The following SH3GL3 variants were observed in gnomAD, a reference collection of about 807,000 sequenced individuals.
SH3GL3 encodes SH3 domain containing GRB2 like 3, endophilin A3.
Under a neutral mutation model 47.7 loss-of-function variants are expected in SH3GL3, and 33 were observed. The observed-to-expected ratio is 0.69, with a 90% CI of 0.52 to 0.92. The LOEUF is 0.92. SH3GL3 is among the 40% of genes least tolerant of loss of function. SH3GL3 has a pLI of 0.00. For synonymous variants in SH3GL3, 155 were observed against 148.8 expected (o/e 1.04, Z -0.30); for missense variants, 363 against 417.8 (o/e 0.87, Z 1.14).
intron 1 of SH3GL3, among the ~76,000 whole-genome samples, chr15:83,475,372 G>C (rs1407255377): frequency 6.6e-6 from 1 of 151,940 alleles, no homozygotes; most frequent in South Asian, 2.1e-4. Flanking sequence ...CCAGCTACTC[G>C]GGAGGCCGAG....
In SH3GL3 at chr15:83,448,983, G is replaced by T. The variant is rs888195746; in HGVS notation, c.45+1405G>T. 2.0e-5 allele frequency among the ~76,000 whole-genome samples: 3 copies of T among 152,172 alleles called. No individual in the cohort carries two copies. The highest frequency in any genetic ancestry group is 4.4e-5 in the Non-Finnish European group (3 of 68,036). On this transcript the variant is annotated intron_variant, in intron 1 of 8. Transcript: ENST00000427482. The surrounding 1 kb of genome is among the most constrained non-coding windows in gnomAD (Gnocchi z 4.2). ...TCACATGTCACTGGCCTGGGTTGGG[G>T]TGCATATCCTGACCTGCAGCTCAGG...
At chr15:83,622,262 C>T (rs185455603), downstream of SH3GL3, among the ~76,000 whole-genome samples, 31 of 152,300 alleles carry the variant, frequency 2.0e-4, no homozygotes, top group Non-Finnish European at 3.5e-4. Flanking sequence ...TCCAGTCTCC[C>T]TCCCATGCCC....
At chr15:83,531,064 A>G (rs1051068478) in intron 1 of SH3GL3, among the ~76,000 whole-genome samples, 2 of 152,226 alleles carry the variant, frequency 1.3e-5, no homozygotes, top group African/African-American at 4.8e-5. Context: ...TAGAAATTCA[A>G]ACAGAATCCT....
chr15:83,525,755 G>A (rs1419350218), intron 1 of SH3GL3, among the ~76,000 whole-genome samples: 3 of 152,038 alleles, frequency 2.0e-5, no homozygotes, highest in Non-Finnish European at 2.9e-5. Context: ...CGAGTTTTCC[G>A]AGCATCATTT....
At chr15:83,613,620 A>AATCAATCT (rs1555423739) in intron 8 of SH3GL3, among the ~76,000 whole-genome samples, 7 of 146,808 alleles carry the variant, frequency 4.8e-5, no homozygotes, top group African/African-American at 1.8e-4. Context: ...GAAATATATA[A>AATCAATCT]ATCTATCTAT....
chr15:83,515,526 G>C (rs117851752), intron 1 of SH3GL3, among the ~76,000 whole-genome samples: 7 of 149,570 alleles, frequency 4.7e-5, no homozygotes, highest in South Asian at 2.1e-4. Context: ...CCATGCAGGT[G>C]GGGGGGGAGG....
Position 83,585,912 on chromosome 15 carries a change from A to C in SH3GL3, c.625-1071A>C, listed in dbSNP as rs561708368. ...ACTAAAGAATGATTTGCAACTACAAATGAAAGTAGCTTGGATCTTTGAAGG... is the reference window on the plus strand; with the variant it reads ...ACTAAAGAATGATTTGCAACTACAACTGAAAGTAGCTTGGATCTTTGAAGG... On this transcript the variant is annotated intron_variant, in intron 6 of 8. Transcript: ENST00000427482. Among the ~76,000 whole-genome samples the C allele has an allele frequency of 9.2e-5, 14 of 152,360 alleles. No individual in the cohort carries two copies. In the South Asian group the frequency reaches 2.3e-3, roughly 25 times the overall value.
intron 1 of SH3GL3, among the ~76,000 whole-genome samples, chr15:83,539,945 G>A (rs1433102103): frequency 2.6e-5 from 4 of 152,146 alleles, no homozygotes; most frequent in African/African-American, 9.7e-5. Flanking sequence ...TGAAATCAGA[G>A]AATTTGAGAA....
intron 6 of SH3GL3, among the ~76,000 whole-genome samples, chr15:83,578,104 G>C (rs1400679637): frequency 1.3e-5 from 2 of 152,198 alleles, no homozygotes; most frequent in Non-Finnish European, 2.9e-5. Context: ...TGTGGTTCCT[G>C]CCATTTGCTT....
intron 8 of SH3GL3, among the ~76,000 whole-genome samples, chr15:83,601,825 C>G (rs546806074): frequency 5.4e-4 from 79 of 147,514 alleles, no homozygotes; most frequent in Non-Finnish European, 1.0e-3. Context: ...CCATGTGGTC[C>G]TGGACTTTTT....
At chr15:83,626,115 A>G in the SH3GL3 span, among the ~76,000 whole-genome samples, 14 of 152,178 alleles carry the variant, frequency 9.2e-5, no homozygotes, top group African/African-American at 3.1e-4. Flanking sequence ...TACAGGCATG[A>G]GCTATCGCAC....
Position 83,578,016 on chromosome 15 carries a change from C to T in SH3GL3, c.624+1275C>T, listed in dbSNP as rs116289224. On this transcript the variant is annotated intron_variant, in intron 6 of 8. Coordinates refer to ENST00000427482, the MANE Select transcript of SH3GL3 (RefSeq NM_003027.5). ...GCATGACCCAAATTTTTCAGCTGTTCCATAGTGGTGCTTGTGGGCTCGGGA... is the reference window on the plus strand; with the variant it reads ...GCATGACCCAAATTTTTCAGCTGTTTCATAGTGGTGCTTGTGGGCTCGGGA... Among the ~76,000 whole-genome samples, 414 of 152,278 alleles carry T rather than the reference C, an allele frequency of 2.7e-3. 2 individuals are homozygous for T. The highest frequency in any genetic ancestry group is 9.7e-3 in the African/African-American group (404 of 41,562).
chr15:83,476,873 T>C (rs1383134256), intron 1 of SH3GL3, among the ~76,000 whole-genome samples: 1 of 152,242 alleles, frequency 6.6e-6, no homozygotes, highest in Non-Finnish European at 1.5e-5. Context: ...TATGCATGTT[T>C]CTGAAGCCCT....
chr15:83,551,100 T>C (rs1227781594), intron 1 of SH3GL3, among the ~76,000 whole-genome samples: 1 of 152,176 alleles, frequency 6.6e-6, no homozygotes, highest in Non-Finnish European at 1.5e-5. Flanking sequence ...AAACACCAAA[T>C]GCAAAAGCTT....
At chr15:83,554,488 G>T (rs2044839821) in intron 1 of SH3GL3, among the ~76,000 whole-genome samples, 2 of 152,038 alleles carry the variant, frequency 1.3e-5, no homozygotes, top group African/African-American at 4.8e-5. Context: ...ACCCAGCCTT[G>T]CTCTTAAACA....
intron 1 of SH3GL3, among the ~76,000 whole-genome samples, chr15:83,482,722 C>T (rs146161704): frequency 2.4e-4 from 36 of 152,120 alleles, no homozygotes; most frequent in Middle Eastern, 3.4e-3. Context: ...GAACTCCTAA[C>T]CTCAGGTGAT....
At chr15:83,586,473 A>C (rs1416636190) in intron 6 of SH3GL3, among the ~76,000 whole-genome samples, 1 of 152,200 alleles carries the variant, frequency 6.6e-6, no homozygotes, top group Non-Finnish European at 1.5e-5. Flanking sequence ...GGACAGGGAA[A>C]TCTTTGCCCC....
At chr15:83,621,851 CTT>C (rs1429774852), downstream of SH3GL3, among the ~76,000 whole-genome samples, 1 of 152,188 alleles carries the variant, frequency 6.6e-6, no homozygotes, top group African/African-American at 2.4e-5. Flanking sequence ...TGATCACTGA[CTT>C]TTGTAACAAA....
chr15:83,629,413 A>G, the SH3GL3 span, among the ~76,000 whole-genome samples: 3 of 152,266 alleles, frequency 2.0e-5, no homozygotes, highest in African/African-American at 4.8e-5. Flanking sequence ...AGCATGGTCA[A>G]TTTATTTCCA....
Sources: allele counts gnomAD v4.1 joint callset (sites outside exome capture counted in the v4.1 genomes callset), GRCh38; gene constraint gnomAD v4.1.1; non-coding constraint Gnocchi (gnomAD v3.1); transcripts MANE v1.5; gene names NCBI Gene and HGNC (gene_info 2026-07-23, HGNC 2026-07-21).